RUNX2: variants seen among roughly 807,000 people sequenced by gnomAD.
RUNX2 encodes the protein RUNX family transcription factor 2.
In RUNX2, 10 loss-of-function variants were observed where a neutral mutation model predicts 51.7. That is an observed-to-expected ratio of 0.19 (90% CI 0.12 to 0.33). The LOEUF is 0.33. Among genes scored for constraint, RUNX2 ranks in the 10% least tolerant of loss-of-function variants. The pLI, the probability that RUNX2 is intolerant of heterozygous loss-of-function variation, is 1.00. For missense variants in RUNX2, 562 were observed against 691.3 expected (o/e 0.81, Z 2.10); for synonymous variants, 276 against 273.6 (o/e 1.01, Z -0.09).
At chr6:45,338,238 G>C (rs1306468798) in intron 2 of RUNX2, among the ~76,000 whole-genome samples, 1 of 151,888 alleles carries the variant, frequency 6.6e-6, no homozygotes, top group Non-Finnish European at 1.5e-5. Context: ...TTATGGTTCA[G>C]CATTTGCTAA....
In RUNX2 at chr6:45,478,862, A is replaced by G. The variant is rs144284927; in HGVS notation, c.686-13079A>G. Among the ~76,000 whole-genome samples, 690 of 152,148 alleles carry G rather than the reference A, an allele frequency of 4.5e-3. 2 individuals are homozygous for G. Among genetic ancestry groups the G allele is most frequent in the African/African-American group, 0.015 (636 of 41,530 alleles). ...TGCATTTTGGGCAGTCATCAATTCC[A>G]TAGGACAGACTTTTTTTTTCTTTTC... On this transcript the variant is annotated intron_variant, in intron 5 of 8. Transcript: ENST00000647337.
intron 7 of RUNX2, among the ~76,000 whole-genome samples, chr6:45,539,435 T>A (rs963270079): frequency 1.3e-5 from 2 of 152,190 alleles, no homozygotes; most frequent in Non-Finnish European, 2.9e-5. Flanking sequence ...GATTTTACAA[T>A]CTCATTTTGC....
At chr6:45,346,563 A>AT (rs1554355142) in intron 2 of RUNX2, among the ~76,000 whole-genome samples, 2 of 112,544 alleles carry the variant, frequency 1.8e-5, no homozygotes, top group African/African-American at 3.5e-5. Context: ...TTCAATAAAC[A>AT]TTTCTTTTTT....
At chr6:45,512,849 A>G (rs1419816133) in intron 7 of RUNX2, among the ~76,000 whole-genome samples, 1 of 152,110 alleles carries the variant, frequency 6.6e-6, no homozygotes, top group African/African-American at 2.4e-5. Context: ...AGTCAGTTCC[A>G]AGAGAGAGCA....
chr6:45,473,828 A>C (rs1221053468), intron 5 of RUNX2, among the ~76,000 whole-genome samples: 1 of 152,218 alleles, frequency 6.6e-6, no homozygotes, highest in Non-Finnish European at 1.5e-5. Context: ...GGAGTTCTTG[A>C]AAGGAGTCAC....
intron 5 of RUNX2, among the ~76,000 whole-genome samples, chr6:45,454,643 C>G (rs1030737100): frequency 5.9e-5 from 9 of 152,176 alleles, no homozygotes; most frequent in African/African-American, 2.2e-4. Flanking sequence ...TCCAAAAAGT[C>G]TATCAGAAGA....
intron 2 of RUNX2, 65 bp downstream of exon 2, chr6:45,328,849 T>TTGATAAAC: frequency 6.7e-7 from 1 of 1,499,834 alleles, no homozygotes; most frequent in Non-Finnish European, 9.3e-7. Flanking sequence ...GTATGATTCT[T>TTGATAAAC]TGATAAACTG....
intron 7 of RUNX2, among the ~76,000 whole-genome samples, chr6:45,515,361 G>A (rs1352730756): frequency 6.6e-6 from 1 of 152,036 alleles, no homozygotes; most frequent in Non-Finnish European, 1.5e-5. Context: ...TCATCTTCAG[G>A]GTTGGTGTGA....
intron 6 of RUNX2, among the ~76,000 whole-genome samples, chr6:45,495,202 G>GAGGGATTTATTAC (rs1289991015): frequency 2.6e-5 from 4 of 152,208 alleles, no homozygotes; most frequent in African/African-American, 9.7e-5. Flanking sequence ...TACATTCTTT[G>GAGGGATTTATTAC]AGGGATTTAT....
intron 5 of RUNX2, among the ~76,000 whole-genome samples, chr6:45,449,046 T>C (rs1198584076): frequency 1.3e-5 from 2 of 152,218 alleles, no homozygotes; most frequent in Admixed American, 1.3e-4. Flanking sequence ...CCATGAAGGC[T>C]ATTTCAGAGT....
At chr6:45,422,539 C>T (rs760759073) in intron 2 of RUNX2, 54 bp from the exon 3 acceptor site, 2 of 1,516,874 alleles carry the variant, frequency 1.3e-6, no homozygotes, top group Admixed American at 1.8e-5. Context: ...ACCCTCCTCC[C>T]CCTCCCCCGG....
Position 45,422,938 on chromosome 6 carries a change from C to T in RUNX2, c.404C>T (p.Thr135Ile). The change falls in exon 3 of 9, where the codon ACC (threonine) becomes ATC (isoleucine). Residue 135 changes from threonine to isoleucine, a missense_variant. Coordinates refer to ENST00000647337, the MANE Select transcript of RUNX2 (RefSeq NM_001024630.4). The stretch of plus-strand genomic sequence containing the variant: ...CCCTCGCACTGGCGCTGCAACAAGA[C>T]CCTGCCCGTGGCCTTCAAGGTAAGA... ...VLPSHWRCNK[T>I]LPVAFKVVAL... 1 of 1,611,884 alleles carries T rather than the reference C, an allele frequency of 6.2e-7. No individual in the cohort carries two copies. The highest frequency in any genetic ancestry group is 2.2e-5 in the East Asian group (1 of 44,778).
Position 45,356,201 on chromosome 6 carries a change from T to C in RUNX2, c.58+27417T>C, listed in dbSNP as rs112514252. Among the ~76,000 whole-genome samples the C allele has an allele frequency of 9.2e-3, 1,395 of 152,256 alleles. 16 individuals carry two copies. Among genetic ancestry groups the C allele is most frequent in the South Asian group, 0.032 (153 of 4,820 alleles). Reference sequence around the variant, plus strand: ...CAACAACATTTTTTTCAAAGGCATATGGTATTTCACAGCTAAGGTTTTTTT... The same window carrying C: ...CAACAACATTTTTTTCAAAGGCATACGGTATTTCACAGCTAAGGTTTTTTT... On this transcript the variant is annotated intron_variant, in intron 2 of 8. Coordinates refer to ENST00000647337, the MANE Select transcript of RUNX2 (RefSeq NM_001024630.4).
chr6:45,475,460 T>A (rs1582150975), intron 5 of RUNX2, among the ~76,000 whole-genome samples: 1 of 152,212 alleles, frequency 6.6e-6, no homozygotes, highest in Non-Finnish European at 1.5e-5. Context: ...CATGTGCAGG[T>A]ATACTGATGG....
intron 7 of RUNX2, among the ~76,000 whole-genome samples, chr6:45,541,092 CAG>C (rs779551916): frequency 4.1e-4 from 62 of 152,282 alleles, no homozygotes; most frequent in Non-Finnish European, 6.5e-4. Flanking sequence ...TAAAACTGTA[CAG>C]AGTTATTGTA....
chr6:45,412,187 CAAA>C (rs35549153), intron 2 of RUNX2, among the ~76,000 whole-genome samples: 1 of 119,932 alleles, frequency 8.3e-6, no homozygotes, highest in Non-Finnish European at 1.7e-5. Flanking sequence ...ATAAAAAATA[CAAA>C]AAAAAAAAAA....
Position 45,413,687 on chromosome 6 carries a change from C to T in RUNX2, c.59-8906C>T, listed in dbSNP as rs139852112. On this transcript the variant is annotated intron_variant, in intron 2 of 8. Coordinates refer to ENST00000647337, the MANE Select transcript of RUNX2 (RefSeq NM_001024630.4). ...CTTGTGATCCGCCAGCCTTGGCCTC[C>T]CAAAGTACTGGGATTACAGGCATGA... Among the ~76,000 whole-genome samples the T allele has an allele frequency of 2.2e-3, 332 of 152,056 alleles. 3 individuals carry two copies. The East Asian group carries it at 0.042, about 19-fold the overall frequency.
chr6:45,452,553 T>A (rs1799204814), intron 5 of RUNX2, among the ~76,000 whole-genome samples: 1 of 152,188 alleles, frequency 6.6e-6, no homozygotes, highest in Non-Finnish European at 1.5e-5. Flanking sequence ...TAAATACCTG[T>A]CTGAGCAACT....
intron 5 of RUNX2, among the ~76,000 whole-genome samples, chr6:45,477,366 T>C (rs1471827250): frequency 6.6e-6 from 1 of 152,232 alleles, no homozygotes; most frequent in African/African-American, 2.4e-5. Flanking sequence ...TCTTCTGAAC[T>C]TCAGACTGGT....
Sources: gnomAD v4.1 joint callset for allele counts (sites outside exome capture counted in the v4.1 genomes callset) on GRCh38, gnomAD v4.1.1 for gene constraint, MANE v1.5 for transcripts, NCBI Gene and HGNC (gene_info 2026-07-23, HGNC 2026-07-21) for gene names.